CDKAL1: variants seen among roughly 807,000 people sequenced by gnomAD.
CDKAL1 encodes threonylcarbamoyladenosine tRNA methylthiotransferase.
CDKAL1 carries 32 observed loss-of-function variants against 68.2 expected under a neutral mutation model. That is an observed-to-expected ratio of 0.47 (90% CI 0.35 to 0.63). The LOEUF is 0.63. Ranked by LOEUF, CDKAL1 falls within the 30% of genes least tolerant of loss-of-function variation. The pLI, the probability that CDKAL1 is intolerant of heterozygous loss-of-function variation, is 0.00. For synonymous variants in CDKAL1, 234 were observed against 244.3 expected (o/e 0.96, Z 0.39); for missense variants, 606 against 696.7 (o/e 0.87, Z 1.47).
At chr6:20,575,783 A>T (rs1354421640) in intron 4 of CDKAL1, among the ~76,000 whole-genome samples, 1 of 152,040 alleles carries the variant, frequency 6.6e-6, no homozygotes, top group African/African-American at 2.4e-5. Context: ...TTTTTCTTTC[A>T]GTTGAATCCT....
intron 4 of CDKAL1, among the ~76,000 whole-genome samples, chr6:20,644,937 G>A (rs528450851): frequency 4.6e-5 from 7 of 152,278 alleles, no homozygotes; most frequent in African/African-American, 1.4e-4. Flanking sequence ...AACCTAGATT[G>A]TACAGCCTAT....
At chr6:20,994,583 A>G (rs568934330) in intron 10 of CDKAL1, among the ~76,000 whole-genome samples, 2 of 152,342 alleles carry the variant, frequency 1.3e-5, no homozygotes, top group African/African-American at 2.4e-5. Context: ...AAGTGTCTTC[A>G]TTGTTACAGG....
rs113799480 is a variant in CDKAL1 at position 20,571,321 on chromosome 6, C to G, written c.286+22616C>G. Among the ~76,000 whole-genome samples the G allele has an allele frequency of 2.7e-4, 41 of 150,704 alleles. 3 individuals are homozygous for G. Among genetic ancestry groups the G allele is most frequent in the African/African-American group, 9.5e-4 (39 of 41,230 alleles). ...CTGGTTCTTTGTAAATTCATTCATT[C>G]TTAGATATTCATCATAAGCCTGTTG... is the stretch of plus-strand genomic sequence containing the variant. On this transcript the variant is annotated intron_variant, in intron 4 of 15. Transcript: ENST00000274695.
intron 13 of CDKAL1, 45 bp downstream of exon 13, chr6:21,108,508 C>A: frequency 8.0e-7 from 1 of 1,243,286 alleles, no homozygotes; most frequent in South Asian, 1.4e-5. Flanking sequence ...AAAGTCTTTC[C>A]GAATGTATAG....
Position 20,991,526 on chromosome 6 carries a change from G to A in CDKAL1, c.910-8701G>A, listed in dbSNP as rs940944701. Among the ~76,000 whole-genome samples, 6 of 151,840 alleles carry A rather than the reference G, an allele frequency of 4.0e-5. No individual in the cohort carries two copies. In the East Asian group the frequency reaches 9.7e-4, roughly 24 times the overall value. ...AGTTTGAGACCAGCCTGGCCAACAC[G>A]GTGAAACCCCATCTCTACTAAAATA... On this transcript the variant is annotated intron_variant, in intron 10 of 15. Coordinates refer to ENST00000274695, the MANE Select transcript of CDKAL1 (RefSeq NM_017774.3).
intron 9 of CDKAL1, among the ~76,000 whole-genome samples, chr6:20,901,466 A>T (rs1402269543): frequency 6.6e-6 from 1 of 151,630 alleles, no homozygotes; most frequent in Non-Finnish European, 1.5e-5. Context: ...CAAGGTCAGG[A>T]GATCAAGACC....
At chr6:20,650,730 A>G (rs780219019) in intron 5 of CDKAL1, among the ~76,000 whole-genome samples, 6 of 152,074 alleles carry the variant, frequency 3.9e-5, no homozygotes, top group Non-Finnish European at 7.4e-5. Context: ...TAATTTTTGT[A>G]TAAGGTATAA....
intron 15 of CDKAL1, among the ~76,000 whole-genome samples, chr6:21,224,285 TG>T (rs1174377754): frequency 6.6e-6 from 1 of 152,316 alleles, no homozygotes; most frequent in African/African-American, 2.4e-5. Context: ...ACAAAGGTCC[TG>T]ATAAAAATAA....
chr6:20,578,606 G>C (rs888007709), intron 4 of CDKAL1, among the ~76,000 whole-genome samples: 29 of 152,220 alleles, frequency 1.9e-4, no homozygotes, highest in African/African-American at 6.5e-4. Context: ...TAAGAGGATT[G>C]TTAGTAGACT....
At chr6:20,778,943 G>A (rs754031349) in intron 7 of CDKAL1, among the ~76,000 whole-genome samples, 1 of 152,066 alleles carries the variant, frequency 6.6e-6, no homozygotes, top group African/African-American at 2.4e-5. Flanking sequence ...CAAAATATCC[G>A]TGTACCTTGT....
intron 7 of CDKAL1, among the ~76,000 whole-genome samples, chr6:20,762,218 T>C (rs1214081682): frequency 6.6e-6 from 1 of 152,198 alleles, no homozygotes; most frequent in Admixed American, 6.5e-5. Context: ...CATGGATAGC[T>C]CCTTACTGAT....
At chr6:20,740,672 C>G (rs1227568630) in intron 6 of CDKAL1, among the ~76,000 whole-genome samples, 1 of 152,138 alleles carries the variant, frequency 6.6e-6, no homozygotes, top group Non-Finnish European at 1.5e-5. Flanking sequence ...CTGACAGGTT[C>G]TTGTATCATG....
intron 6 of CDKAL1, among the ~76,000 whole-genome samples, chr6:20,755,368 A>G (rs1280071463): frequency 1.3e-5 from 2 of 152,156 alleles, no homozygotes; most frequent in African/African-American, 4.8e-5. Flanking sequence ...ACTATTCTTC[A>G]GAAATACTAA....
intron 4 of CDKAL1, among the ~76,000 whole-genome samples, chr6:20,601,643 G>A (rs1766100378): frequency 6.6e-6 from 1 of 152,034 alleles, no homozygotes; most frequent in Non-Finnish European, 1.5e-5. Flanking sequence ...CCAAGCATAG[G>A]TATACTAATT....
intron 11 of CDKAL1, among the ~76,000 whole-genome samples, chr6:21,056,909 C>T (rs1417838671): frequency 2.0e-5 from 3 of 152,102 alleles, no homozygotes; most frequent in Non-Finnish European, 4.4e-5. Context: ...TGATGTGCTG[C>T]TGGATTTTGT....
intron 4 of CDKAL1, among the ~76,000 whole-genome samples, chr6:20,625,213 A>G (rs1034566098): frequency 6.6e-5 from 10 of 152,130 alleles, no homozygotes; most frequent in African/African-American, 1.9e-4. Flanking sequence ...TTGTAACTCT[A>G]TTCTTACATA....
intron 4 of CDKAL1, among the ~76,000 whole-genome samples, chr6:20,609,140 C>G (rs557580860): frequency 7.9e-5 from 12 of 152,244 alleles, no homozygotes; most frequent in Middle Eastern, 3.4e-3. Flanking sequence ...TCAAAACAGA[C>G]CTCTTATCTG....
intron 10 of CDKAL1, among the ~76,000 whole-genome samples, chr6:20,957,956 G>A (rs1764859873): frequency 8.6e-6 from 1 of 116,020 alleles, no homozygotes; most frequent in African/African-American, 3.4e-5. Flanking sequence ...GGGTGACAAA[G>A]CAAGATTATC....
intron 6 of CDKAL1, among the ~76,000 whole-genome samples, chr6:20,745,702 A>G (rs62399301): frequency 0.036 from 5,438 of 152,248 alleles, 101 homozygotes; most frequent in Middle Eastern, 0.078. Context: ...CTCGGCTAAT[A>G]CTAACAATAG....
Sources: allele counts gnomAD v4.1 joint callset (sites outside exome capture counted in the v4.1 genomes callset), GRCh38; gene constraint gnomAD v4.1.1; transcripts MANE v1.5; gene names NCBI Gene and HGNC (gene_info 2026-07-23, HGNC 2026-07-21).